VWC2: variants seen among roughly 807,000 people sequenced by gnomAD.
VWC2 encodes von Willebrand factor C domain containing 2.
A neutral mutation model predicts 29.8 loss-of-function variants in VWC2; 14 were observed. The ratio of observed to expected loss-of-function variants is 0.47; its 90% CI spans 0.31 to 0.74. The LOEUF is 0.74. Ranked by LOEUF, VWC2 falls within the 30% of genes least tolerant of loss-of-function variation. VWC2 has a pLI of 0.05. For missense variants in VWC2, 457 were observed against 459.8 expected (o/e 0.99, Z 0.05); for synonymous variants, 213 against 199.0 (o/e 1.07, Z -0.59).
intron 1 of VWC2, among the ~76,000 whole-genome samples, chr7:49,774,823 C>T (rs909983460): frequency 1.3e-5 from 2 of 152,194 alleles, no homozygotes; most frequent in African/African-American, 4.8e-5. Context: ...CTAGGAGAAG[C>T]TTTGTTTAAC....
rs879726154 is a variant in VWC2, at chr7:49,893,635, GT to G, written c.827-18385del. Among the ~76,000 whole-genome samples, 348 of 72,662 alleles carry G rather than the reference GT, an allele frequency of 4.8e-3. 4 individuals carry two copies. The highest frequency in any genetic ancestry group is 0.032 in the East Asian group (51 of 1,598). 47.7% of individuals were successfully genotyped at this position (72,662 alleles called of 152,430 possible). On this transcript the variant is annotated intron_variant, in intron 3 of 3. Coordinates refer to ENST00000340652, the MANE Select transcript of VWC2 (RefSeq NM_198570.5). ...AATGAAAATGTATCTTAGGAAACCA[GT>G]TTTTTTTTTTTTTATCCTTTTGAGA...
At chr7:49,884,711 A>T (rs1176418301) in intron 3 of VWC2, among the ~76,000 whole-genome samples, 2 of 152,212 alleles carry the variant, frequency 1.3e-5, no homozygotes, top group Non-Finnish European at 2.9e-5. Flanking sequence ...TGAGATTTAC[A>T]GCCCAAACTC....
chr7:49,863,435 T>C (rs1254800128), intron 3 of VWC2, among the ~76,000 whole-genome samples: 1 of 152,162 alleles, frequency 6.6e-6, no homozygotes, highest in African/African-American at 2.4e-5. Flanking sequence ...CCTTTTTTTC[T>C]TTTCTTTTCT....
intron 3 of VWC2, among the ~76,000 whole-genome samples, chr7:49,812,149 A>G (rs1489720818): frequency 5.9e-5 from 9 of 152,232 alleles, no homozygotes; most frequent in Non-Finnish European, 1.3e-4. Context: ...GCCAAGAGCT[A>G]TAATCAGAGT....
At chr7:49,857,629 TA>T (rs1306865203) in intron 3 of VWC2, among the ~76,000 whole-genome samples, 1 of 151,966 alleles carries the variant, frequency 6.6e-6, no homozygotes, top group African/African-American at 2.4e-5. Context: ...AAATGGCTAT[TA>T]ACAAAAATCA....
At chr7:49,809,177 T>G (rs771523974) in intron 3 of VWC2, among the ~76,000 whole-genome samples, 5 of 151,848 alleles carry the variant, frequency 3.3e-5, no homozygotes, top group African/African-American at 4.8e-5. Flanking sequence ...AAGACACAAG[T>G]CAGGAATGAA....
chr7:49,804,818 T>C (rs887720970), intron 3 of VWC2, among the ~76,000 whole-genome samples: 4 of 152,184 alleles, frequency 2.6e-5, no homozygotes, highest in Non-Finnish European at 5.9e-5. Flanking sequence ...TCTATATACA[T>C]AACCCAACAC....
At chr7:49,840,269 A>G (rs1789763696) in intron 3 of VWC2, among the ~76,000 whole-genome samples, 1 of 152,194 alleles carries the variant, frequency 6.6e-6, no homozygotes, top group African/African-American at 2.4e-5. Flanking sequence ...GGTGTTCTAG[A>G]GCTGTGGGGA....
intron 3 of VWC2, among the ~76,000 whole-genome samples, chr7:49,830,762 T>C (rs949773878): frequency 6.6e-6 from 1 of 152,108 alleles, no homozygotes; most frequent in South Asian, 2.1e-4. Context: ...AGTGAGAACA[T>C]GTGGTGTTTG....
chr7:49,846,889 A>T (rs1789963724), intron 3 of VWC2, among the ~76,000 whole-genome samples: 1 of 152,234 alleles, frequency 6.6e-6, no homozygotes, highest in South Asian at 2.1e-4. Context: ...TAAATGAGGT[A>T]AAATATTATG....
intron 2 of VWC2, among the ~76,000 whole-genome samples, chr7:49,784,214 A>G (rs561688301): frequency 6.6e-6 from 1 of 152,334 alleles, no homozygotes; most frequent in Admixed American, 6.5e-5. Flanking sequence ...TCACCAGAAT[A>G]ATGTACACTG....
chr7:49,823,081 A>C (rs1789301739), intron 3 of VWC2, among the ~76,000 whole-genome samples: 1 of 152,222 alleles, frequency 6.6e-6, no homozygotes, highest in Non-Finnish European at 1.5e-5. Context: ...ACTGTCAAAC[A>C]GTTTTCCAAA....
chr7:49,803,901 G>C (rs569362037), intron 3 of VWC2, among the ~76,000 whole-genome samples: 1 of 152,278 alleles, frequency 6.6e-6, no homozygotes, highest in Admixed American at 6.5e-5. Context: ...TAAAACTCTT[G>C]AGGTAAATAA....
intron 3 of VWC2, among the ~76,000 whole-genome samples, chr7:49,879,962 C>T (rs1791598920): frequency 6.6e-6 from 1 of 152,080 alleles, no homozygotes; most frequent in Non-Finnish European, 1.5e-5. Flanking sequence ...CAATTTCATT[C>T]TTCTCTCTGT....
intron 3 of VWC2, among the ~76,000 whole-genome samples, chr7:49,909,200 A>G (rs1268262290): frequency 6.6e-6 from 1 of 152,224 alleles, no homozygotes; most frequent in Non-Finnish European, 1.5e-5. Context: ...CAGTATCTGT[A>G]TCTAAGGATA....
At chr7:49,788,158 T>G (rs2128702871) in intron 2 of VWC2, among the ~76,000 whole-genome samples, 1 of 152,358 alleles carries the variant, frequency 6.6e-6, no homozygotes. Context: ...TGTCCACTCC[T>G]GGCTCGGGCT....
chr7:49,913,357 T>C lies in VWC2; in HGVS notation c.*1172T>C, dbSNP rs1392933776. The stretch of plus-strand genomic sequence containing the variant: ...ATAAAAAGCCACTGCAAAGTCCTGC[T>C]AATCTAATTAATGCATAATAGAAAA... On this transcript the variant is annotated 3_prime_UTR_variant, in exon 4 of 4. Transcript: ENST00000340652. 2.0e-5 allele frequency: 3 copies of C among 152,368 alleles called. No individual in the cohort carries two copies. The highest frequency in any genetic ancestry group is 7.2e-5 in the African/African-American group (3 of 41,592). 9.4% of individuals were successfully genotyped at this position (152,368 alleles called of 1,614,324 possible).
chr7:49,877,493 T>C lies in VWC2; in HGVS notation c.827-34541T>C, dbSNP rs868653831. Among the ~76,000 whole-genome samples, 482 of 61,252 alleles carry C rather than the reference T, an allele frequency of 7.9e-3. 73 individuals are homozygous for C. Among genetic ancestry groups the C allele is most frequent in the African/African-American group, 0.031 (361 of 11,678 alleles). The allele number at this position is 61,252 out of a possible 152,430, so 40.2% of individuals were successfully genotyped here. On this transcript the variant is annotated intron_variant, in intron 3 of 3. Transcript: ENST00000340652. ...AAAAAAAAAAAAAAATATATATATA[T>C]ATATATATATATATATATATATATA...
intron 3 of VWC2, among the ~76,000 whole-genome samples, chr7:49,832,572 A>G (rs576872788): frequency 2.6e-5 from 4 of 152,264 alleles, no homozygotes; most frequent in African/African-American, 9.6e-5. Context: ...GAACTTCCTT[A>G]TTGTGCTGAA....
Sources: allele counts gnomAD v4.1 joint callset (sites outside exome capture counted in the v4.1 genomes callset), GRCh38; gene constraint gnomAD v4.1.1; transcripts MANE v1.5; gene names NCBI Gene and HGNC (gene_info 2026-07-23, HGNC 2026-07-21).